TENM3: variants seen among roughly 807,000 people sequenced by gnomAD.
TENM3 encodes teneurin-3.
Under a neutral mutation model 255.1 loss-of-function variants are expected in TENM3, and 63 were observed. That is an observed-to-expected ratio of 0.25 (90% CI 0.20 to 0.30). The LOEUF (loss-of-function observed/expected upper bound fraction) is 0.30. TENM3 is among the 10% of genes least tolerant of loss of function. The pLI is 1.00. For missense variants in TENM3, 2,929 were observed against 3,461.1 expected, an observed-to-expected ratio of 0.85 and a Z score of 3.86; for synonymous variants, 1,306 against 1,322.3, an observed-to-expected ratio of 0.99 and a Z score of 0.27.
Position 182,609,546 on chromosome 4 carries a change from G to A in TENM3, c.749+8385G>A, listed in dbSNP as rs563387258. On this transcript the variant is annotated intron_variant, in intron 4 of 27. Coordinates refer to ENST00000511685, the MANE Select transcript of TENM3 (RefSeq NM_001080477.4). ...TCTATTTGATAACCCCTCTGATTCTGCTGTAACCTTCTTTGTGCTTTCGTA... is the reference window on the plus strand; with the variant it reads ...TCTATTTGATAACCCCTCTGATTCTACTGTAACCTTCTTTGTGCTTTCGTA... Among the ~76,000 whole-genome samples, 19 of 152,302 alleles carry A rather than the reference G, an allele frequency of 1.2e-4. No individual in the cohort carries two copies. The South Asian group carries it at 3.9e-3, about 32-fold the overall frequency.
chr4:182,257,607 A>G (rs1758495197), intron 1 of TENM3, among the ~76,000 whole-genome samples: 2 of 152,174 alleles, frequency 1.3e-5, no homozygotes, highest in Non-Finnish European at 2.9e-5. Context: ...CTGTGGCTTT[A>G]ACTAACTTGC....
At chr4:182,334,832 A>G (rs1483863210) in intron 2 of TENM3, among the ~76,000 whole-genome samples, 1 of 152,190 alleles carries the variant, frequency 6.6e-6, no homozygotes, top group Non-Finnish European at 1.5e-5. Context: ...ATAAAGCAAG[A>G]ATTCTAGAAG....
At chr4:182,326,092 G>A (rs914277544) in intron 2 of TENM3, among the ~76,000 whole-genome samples, 7 of 152,242 alleles carry the variant, frequency 4.6e-5, no homozygotes, top group African/African-American at 9.6e-5. Flanking sequence ...GGAGGAAAGA[G>A]AAAGGGCGCC....
chr4:182,765,225 A>AAAT (rs1165750751), intron 22 of TENM3, among the ~76,000 whole-genome samples: 8 of 152,216 alleles, frequency 5.3e-5, no homozygotes, highest in African/African-American at 1.7e-4. Flanking sequence ...AGTGTGAATA[A>AAAT]AATCATATTG....
At chr4:181,721,460 T>C in the TENM3 span, among the ~76,000 whole-genome samples, 122,762 of 124,962 alleles carry the variant, frequency 0.98, 60,281 homozygotes, top group Admixed American at 0.99. Flanking sequence ...ATTAGCCGGG[T>C]GTGGTGGCGG....
the TENM3 span, among the ~76,000 whole-genome samples, chr4:181,936,877 C>A: frequency 6.6e-6 from 1 of 151,870 alleles, no homozygotes; most frequent in Non-Finnish European, 1.5e-5. Flanking sequence ...AGGCTCTAGG[C>A]GCAAAGGGGG....
chr4:182,747,059 C>T (rs1378039292), intron 19 of TENM3, among the ~76,000 whole-genome samples: 1 of 152,132 alleles, frequency 6.6e-6, no homozygotes, highest in Non-Finnish European at 1.5e-5. Flanking sequence ...TCCTTCCTGG[C>T]GTGCTCCTTA....
At chr4:181,947,114 G>T in the TENM3 span, among the ~76,000 whole-genome samples, 3 of 152,082 alleles carry the variant, frequency 2.0e-5, no homozygotes, top group African/African-American at 7.2e-5. Context: ...TACCAGAGTT[G>T]TTTACTCAGT....
chr4:182,633,082 A>T (rs537238233), intron 5 of TENM3, among the ~76,000 whole-genome samples: 1 of 152,082 alleles, frequency 6.6e-6, no homozygotes, highest in South Asian at 2.1e-4. Flanking sequence ...GGCACACACC[A>T]CCATGCCCAG....
chr4:182,230,009 A>G (rs1756454973), intron 1 of TENM3, among the ~76,000 whole-genome samples: 1 of 152,018 alleles, frequency 6.6e-6, no homozygotes, highest in African/African-American at 2.4e-5. Flanking sequence ...GCAGATCTCA[A>G]AGCATGTGTG....
chr4:181,595,363 G>A, the TENM3 span, among the ~76,000 whole-genome samples: 798 of 149,814 alleles, frequency 5.3e-3, 8 homozygotes, highest in African/African-American at 0.018. Flanking sequence ...CCCAGGAGGC[G>A]GAGGCTGCAG....
At chr4:182,117,686 C>T in the TENM3 span, among the ~76,000 whole-genome samples, 1,006 of 152,326 alleles carry the variant, frequency 6.6e-3, 7 homozygotes, top group Middle Eastern at 0.01. Context: ...ACCACACTTT[C>T]TTGATTATTG....
chr4:182,427,682 G>A (rs750635786), intron 3 of TENM3, among the ~76,000 whole-genome samples: 3 of 152,030 alleles, frequency 2.0e-5, no homozygotes, highest in South Asian at 2.1e-4. Flanking sequence ...TGAGTCATGC[G>A]GTACACAAAA....
the TENM3 span, among the ~76,000 whole-genome samples, chr4:181,714,052 C>G: frequency 6.6e-6 from 1 of 152,156 alleles, no homozygotes; most frequent in East Asian, 1.9e-4. Context: ...ACCCTTTTTA[C>G]ACAGAGCATC....
At chr4:182,318,963 T>G (rs1762897206) in intron 1 of TENM3, among the ~76,000 whole-genome samples, 1 of 152,096 alleles carries the variant, frequency 6.6e-6, no homozygotes, top group Non-Finnish European at 1.5e-5. Context: ...AAATGTGGTC[T>G]CACTGTGTTG....
chr4:182,126,263 A>G, the TENM3 span, among the ~76,000 whole-genome samples: 1 of 152,084 alleles, frequency 6.6e-6, no homozygotes, highest in African/African-American at 2.4e-5. Flanking sequence ...AAATGCCCCA[A>G]AGTCAATCGT....
the TENM3 span, among the ~76,000 whole-genome samples, chr4:182,063,351 A>G: frequency 2.0e-5 from 3 of 152,214 alleles, no homozygotes; most frequent in Non-Finnish European, 2.9e-5. Context: ...ACTCAGGAGA[A>G]TAAGAGGCTT....
At chr4:181,833,751 C>T in the TENM3 span, among the ~76,000 whole-genome samples, 1 of 151,960 alleles carries the variant, frequency 6.6e-6, no homozygotes, top group East Asian at 1.9e-4. Context: ...TAATTAGTCA[C>T]GTTCTTAACA....
upstream of TENM3, among the ~76,000 whole-genome samples, chr4:182,239,267 G>A (rs1669170723): frequency 6.6e-6 from 1 of 151,866 alleles, no homozygotes; most frequent in South Asian, 2.1e-4. Flanking sequence ...TAGTAAAGAT[G>A]AGGTTTCACC....
Sources: gnomAD v4.1 joint callset for allele counts (sites outside exome capture counted in the v4.1 genomes callset) on GRCh38, gnomAD v4.1.1 for gene constraint, MANE v1.5 for transcripts, NCBI Gene and HGNC (gene_info 2026-07-23, HGNC 2026-07-21) for gene names.